RCOR2: variants seen among roughly 807,000 people sequenced by gnomAD.
RCOR2 encodes REST corepressor 2.
In RCOR2, 19 loss-of-function variants were observed where a neutral mutation model predicts 58.9. The observed-to-expected ratio is 0.32, with a 90% confidence interval of 0.23 to 0.47. The LOEUF is 0.47. Among genes scored for constraint, RCOR2 ranks in the 20% least tolerant of loss-of-function variants. RCOR2 has a pLI of 1.00. For synonymous variants in RCOR2, 286 were observed against 278.7 expected, an observed-to-expected ratio of 1.03 and a Z score of -0.26; for missense variants, 590 against 707.9, an observed-to-expected ratio of 0.83 and a Z score of 1.89.
the RCOR2 span, among the ~76,000 whole-genome samples, chr11:63,924,976 G>A: frequency 9.3e-5 from 14 of 151,246 alleles, no homozygotes; most frequent in African/African-American, 2.9e-4. Context: ...TCAGCCTCCC[G>A]AGTAGCTGGG....
At chr11:63,921,016 C>T (rs1331141605), upstream of RCOR2, among the ~76,000 whole-genome samples, 1 of 152,226 alleles carries the variant, frequency 6.6e-6, no homozygotes, top group Admixed American at 6.5e-5. Context: ...GCAAGACAGG[C>T]ACATCTGGGA....
At chr11:63,920,630 TG>T (rs35954573), upstream of RCOR2, among the ~76,000 whole-genome samples, 1 of 150,752 alleles carries the variant, frequency 6.6e-6, no homozygotes, top group Non-Finnish European at 1.5e-5. Context: ...ATTAGGGGGC[TG>T]GGGGGAGGTG....
chr11:63,912,657 T>C lies in RCOR2; in HGVS notation c.1027+19A>G. The C allele has an allele frequency of 1.9e-6, 3 of 1,613,466 alleles. No homozygotes were observed. The highest frequency in any genetic ancestry group is 2.2e-5 in the East Asian group (1 of 44,866). On this transcript the variant is annotated intron_variant, in intron 10 of 11. Transcript: ENST00000301459. ...GATAGATTCCTGGGGTCCTCTCTTC[T>C]CACCACAGTTTAACCCACCTTGAAC...
chr11:63,914,586 G>A (rs1295677336), intron 5 of RCOR2, 45 bp from the exon 6 acceptor site: 1 of 1,612,038 alleles, frequency 6.2e-7, no homozygotes. Context: ...CAAGACTCTG[G>A]GCCCCAGGTA....
the RCOR2 span, among the ~76,000 whole-genome samples, chr11:63,923,607 G>A: frequency 2.0e-5 from 3 of 152,138 alleles, no homozygotes; most frequent in Admixed American, 1.3e-4. Flanking sequence ...CTAGCTCCAG[G>A]ATGTGAGCTC....
intron 3 of RCOR2, 112 bp from the exon 4 acceptor site, chr11:63,915,066 G>A (rs1941837071): frequency 1.9e-6 from 3 of 1,546,984 alleles, no homozygotes; most frequent in Admixed American, 1.7e-5. Context: ...ACGAGCCCCA[G>A]GGCAAGGGTT....
Position 63,916,539 on chromosome 11 carries a change from G to A in RCOR2, c.-83C>T. The A allele has an allele frequency of 6.7e-7, 1 of 1,500,038 alleles. No homozygotes were observed. Among genetic ancestry groups the A allele is most frequent in the Non-Finnish European group, 8.9e-7 (1 of 1,126,820 alleles). The allele number at this position is 1,500,038 out of a possible 1,614,324, so 92.9% of individuals were successfully genotyped here. A position where few individuals can be genotyped will look rare whatever the true frequency, so the allele number is the denominator to read the frequency against. On this transcript the variant is annotated 5_prime_UTR_variant, in exon 1 of 12. Transcript: ENST00000301459. ...CGCACTCGCTCCGAGTGCCGAGCCC[G>A]GCCCGGCCTGGAGAGGTCGCCACTG...
rs1941871418 is a variant in RCOR2 at position 63,917,150 on chromosome 11, C to G, written c.-694G>C. On this transcript the variant is annotated 5_prime_UTR_variant, in exon 1 of 12. Transcript: ENST00000301459. The stretch of plus-strand genomic sequence containing the variant: ...CGCCCGCTCTCCGCCGCCGCTCGCT[C>G]CTCGCGCACACAATGAAGCTGCTGG... Among the ~76,000 whole-genome samples the G allele has an allele frequency of 6.6e-6, 1 of 151,994 alleles. No homozygotes were observed. Among genetic ancestry groups the G allele is most frequent in the African/African-American group, 2.4e-5 (1 of 41,424 alleles).
the RCOR2 span, among the ~76,000 whole-genome samples, chr11:63,925,537 G>A: frequency 6.6e-6 from 1 of 152,110 alleles, no homozygotes; most frequent in African/African-American, 2.4e-5. Context: ...AGCCACCCAA[G>A]GCCAGGTGCA....
chr11:63,912,160 G>A lies in RCOR2; in HGVS notation c.1277C>T (p.Ser426Phe). The A allele has an allele frequency of 3.2e-6, 5 of 1,546,496 alleles. No homozygotes were observed. The highest frequency in any genetic ancestry group is 4.4e-6 in the Non-Finnish European group (5 of 1,148,848). ...GGGCACTGATCGGGGCACGGACGTG[G>A]AGACCGATGTAATCTGGACCTGAGG... ...EDDEVQITSV[S>F]TSVPRSVPPA... The change falls in exon 12 of 12, where the codon TCC becomes TTC. Residue 426 changes from serine to phenylalanine, a missense_variant. This residue lies in a region of RCOR2 where 196 missense variants were observed against 210.7 expected (regional missense o/e 0.93). Transcript: ENST00000301459.
intron 8 of RCOR2, 25 bp from the exon 9 acceptor site, chr11:63,912,972 A>G (rs368677762): frequency 7.6e-5 from 121 of 1,602,022 alleles, no homozygotes; most frequent in Non-Finnish European, 1.0e-4. Flanking sequence ...AAGTGGAGGA[A>G]TATCAGACTC....
Position 63,916,625 on chromosome 11 carries a change from T to C in RCOR2, c.-169A>G, listed in dbSNP as rs1007473748. On this transcript the variant is annotated 5_prime_UTR_variant, in exon 1 of 12. Coordinates refer to ENST00000301459, the MANE Select transcript of RCOR2 (RefSeq NM_173587.4). ...TCCGGCGGGGTGGGAGCCCACCTGGTAGCCCCAGCGCTCTCCACGACCCCC... is the reference window on the plus strand; with the variant it reads ...TCCGGCGGGGTGGGAGCCCACCTGGCAGCCCCAGCGCTCTCCACGACCCCC... 3.2e-4 allele frequency: 385 copies of C among 1,186,828 alleles called. 2 individuals carry two copies. The highest frequency in any genetic ancestry group is 4.0e-4 in the Non-Finnish European group (350 of 876,668). The allele number at this position is 1,186,828 out of a possible 1,614,324, so 73.5% of individuals were successfully genotyped here. A position where few individuals can be genotyped will look rare whatever the true frequency, so the allele number is the denominator to read the frequency against.
chr11:63,927,616 G>C, the RCOR2 span, among the ~76,000 whole-genome samples: 1 of 152,150 alleles, frequency 6.6e-6, no homozygotes, highest in South Asian at 2.1e-4. Flanking sequence ...CCAGAGGGTG[G>C]GGCACCTGTC....
rs1267555789 is a variant in RCOR2, at chr11:63,914,905, C to T, written c.315G>A (p.Glu105=). 1 of 1,613,802 alleles carries T rather than the reference C, an allele frequency of 6.2e-7. No individual in the cohort carries two copies. The highest frequency in any genetic ancestry group is 1.3e-5 in the African/African-American group (1 of 74,930). The part of the protein sequence containing the change: ...MAKEKHGYNI[E]QALGMLLWHK... The stretch of plus-strand genomic sequence containing the variant: ...GTCCCTGGGGGCCAAGGCTCACCTG[C>T]TCAATGTTGTAGCCATGCTTCTCCT... The change falls in exon 4 of 12, where the codon GAG becomes GAA. Residue 105 remains glutamate, a synonymous_variant. Transcript: ENST00000301459.
chr11:63,921,984 C>T (rs998444541), upstream of RCOR2, among the ~76,000 whole-genome samples: 1 of 152,152 alleles, frequency 6.6e-6, no homozygotes, highest in African/African-American at 2.4e-5. Flanking sequence ...GAGGCAGTGC[C>T]CTCAGGAATG....
the RCOR2 span, among the ~76,000 whole-genome samples, chr11:63,925,053 G>A: frequency 2.6e-5 from 4 of 151,604 alleles, no homozygotes; most frequent in Admixed American, 1.3e-4. Context: ...GGGTTTCACC[G>A]TGTTGGCCAG....
At chr11:63,913,203 T>TTTTG (rs1941805431) in intron 8 of RCOR2, among the ~76,000 whole-genome samples, 1 of 114,430 alleles carries the variant, frequency 8.7e-6, no homozygotes, top group Non-Finnish European at 1.9e-5. Flanking sequence ...TTTTTTTTTT[T>TTTTG]GAGAAGGAGT....
upstream of RCOR2, among the ~76,000 whole-genome samples, chr11:63,920,295 G>A (rs1212458112): frequency 6.6e-6 from 1 of 152,382 alleles, no homozygotes; most frequent in Non-Finnish European, 1.5e-5. Context: ...GTGAGGCCGA[G>A]GGGACAAAGG....
chr11:63,920,148 T>TTGCTGC (rs894793828), upstream of RCOR2, among the ~76,000 whole-genome samples: 1 of 152,242 alleles, frequency 6.6e-6, no homozygotes, highest in African/African-American at 2.4e-5. Context: ...GGGGCTCTGT[T>TTGCTGC]TGCTGCTGTG....
Sources: allele counts gnomAD v4.1 joint callset (sites outside exome capture counted in the v4.1 genomes callset), GRCh38; gene constraint gnomAD v4.1.1; regional missense constraint gnomAD v4.1.1; transcripts MANE v1.5; gene names NCBI Gene and HGNC (gene_info 2026-07-23, HGNC 2026-07-21).